PHACTR1: variants seen among roughly 807,000 people sequenced by gnomAD.
PHACTR1 encodes RPEL repeat containing 1.
Under a neutral mutation model 69.2 loss-of-function variants are expected in PHACTR1, and 16 were observed. The observed-to-expected ratio is 0.23, with a 90% CI of 0.16 to 0.35. The LOEUF (loss-of-function observed/expected upper bound fraction) is 0.35, where lower values mean the gene tolerates loss of function less well. PHACTR1 is among the 10% of genes least tolerant of loss of function. PHACTR1 has a pLI of 1.00. For missense variants in PHACTR1, 510 were observed against 734.7 expected (o/e 0.69, Z 3.54); for synonymous variants, 312 against 284.5 (o/e 1.10, Z -0.97).
chr6:12,836,685 C>T (rs759130199), intron 4 of PHACTR1, among the ~76,000 whole-genome samples: 1 of 152,204 alleles, frequency 6.6e-6, no homozygotes, highest in African/African-American at 2.4e-5. Context: ...TGCTCTCTGA[C>T]CTGCTTCCTC....
intron 5 of PHACTR1, among the ~76,000 whole-genome samples, chr6:13,099,807 T>G (rs2127855271): frequency 6.6e-6 from 1 of 152,378 alleles, no homozygotes; most frequent in African/African-American, 2.4e-5. Context: ...ATAGTTTGTT[T>G]GCTTGTTTTT....
At chr6:12,746,980 A>G (rs191450778) in intron 3 of PHACTR1, among the ~76,000 whole-genome samples, 4 of 152,350 alleles carry the variant, frequency 2.6e-5, no homozygotes, top group Admixed American at 2.0e-4. Context: ...TGAACCCGAA[A>G]GTTGTAATCA....
At chr6:12,830,862 C>T (rs537689706) in intron 4 of PHACTR1, among the ~76,000 whole-genome samples, 2 of 152,108 alleles carry the variant, frequency 1.3e-5, no homozygotes, top group African/African-American at 4.8e-5. Context: ...TCCCAAAGTG[C>T]TGGGATTACA....
rs115846886 is a variant in PHACTR1, at chr6:12,758,710, T to C, written c.250+8920T>C. 4.1e-3 allele frequency among the ~76,000 whole-genome samples: 630 copies of C among 152,208 alleles called. 4 individuals are homozygous for C. The highest frequency in any genetic ancestry group is 0.015 in the African/African-American group (609 of 41,516). ...AAACCTGTATACTTAATAGACATGA[T>C]TTACCACAAGACAGCAAGCTTACAT... On this transcript the variant is annotated intron_variant, in intron 4 of 14. Transcript: ENST00000332995.
intron 4 of PHACTR1, among the ~76,000 whole-genome samples, chr6:12,863,668 A>G (rs1449296491): frequency 4.6e-5 from 7 of 152,394 alleles, no homozygotes; most frequent in Admixed American, 2.0e-4. Flanking sequence ...TGTGTTGTTT[A>G]AAAGTTAAGA....
In PHACTR1 at chr6:12,945,132, G is replaced by A. The variant is rs184755421; in HGVS notation, c.251-108233G>A. ...CTCTGGTTTTAGCAGCTTCATACGA[G>A]CAGTTGCCCCTGACTACATTCTTCC... On this transcript the variant is annotated intron_variant, in intron 4 of 14. Transcript: ENST00000332995. Among the ~76,000 whole-genome samples, 557 of 152,196 alleles carry A rather than the reference G, an allele frequency of 3.7e-3. 3 individuals are homozygous for A. Among genetic ancestry groups the A allele is most frequent in the African/African-American group, 0.013 (522 of 41,522 alleles).
At chr6:13,064,927 C>A (rs1377299763) in intron 5 of PHACTR1, among the ~76,000 whole-genome samples, 4 of 151,930 alleles carry the variant, frequency 2.6e-5, no homozygotes, top group Non-Finnish European at 4.4e-5. Flanking sequence ...TGGATGAACG[C>A]CTCAACTCAT....
At chr6:12,840,801 G>T (rs16873436) in intron 4 of PHACTR1, among the ~76,000 whole-genome samples, 1 of 152,042 alleles carries the variant, frequency 6.6e-6, no homozygotes, top group Non-Finnish European at 1.5e-5. Flanking sequence ...TGCTCTTTTT[G>T]TTCAAATTTC....
chr6:13,096,000 A>G (rs1420659344), intron 5 of PHACTR1, among the ~76,000 whole-genome samples: 2 of 152,104 alleles, frequency 1.3e-5, no homozygotes, highest in African/African-American at 4.8e-5. Context: ...TCCAGTAGTT[A>G]GAGTCTGAAA....
At chr6:12,952,477 G>A (rs930715175) in intron 4 of PHACTR1, among the ~76,000 whole-genome samples, 2 of 152,186 alleles carry the variant, frequency 1.3e-5, no homozygotes, top group African/African-American at 4.8e-5. Flanking sequence ...CTCAAACAGT[G>A]TGTGGCCTTT....
intron 4 of PHACTR1, among the ~76,000 whole-genome samples, chr6:12,888,202 T>A (rs944871369): frequency 5.9e-5 from 9 of 152,078 alleles, no homozygotes; most frequent in African/African-American, 2.2e-4. Flanking sequence ...GAGGCCATTT[T>A]TGCTCTTTTG....
chr6:13,183,212 A>G (rs113833725), intron 7 of PHACTR1, among the ~76,000 whole-genome samples: 1 of 152,138 alleles, frequency 6.6e-6, no homozygotes, highest in Non-Finnish European at 1.5e-5. Context: ...TCTGACTGTC[A>G]TCTCCTTCTT....
At chr6:13,131,462 G>A (rs144247417) in intron 5 of PHACTR1, among the ~76,000 whole-genome samples, 118 of 151,834 alleles carry the variant, frequency 7.8e-4, no homozygotes, top group African/African-American at 2.6e-3. Context: ...GTTGGAGGGG[G>A]ATGAGGGGTA....
rs146174331 is a variant in PHACTR1 at position 12,853,677 on chromosome 6, G to A, written c.250+103887G>A. Among the ~76,000 whole-genome samples the A allele has an allele frequency of 3.6e-3, 548 of 152,328 alleles. 2 individuals carry two copies. Among genetic ancestry groups the A allele is most frequent in the African/African-American group, 0.013 (531 of 41,570 alleles). ...GCTCCTCTTCACAGGTTGGCAGGAG[G>A]AAGAATGAGTACCCGGTGAAGGGGG... is the stretch of plus-strand genomic sequence containing the variant. On this transcript the variant is annotated intron_variant, in intron 4 of 14. Coordinates refer to ENST00000332995, the MANE Select transcript of PHACTR1 (RefSeq NM_030948.6).
At chr6:13,055,165 C>T (rs1039613952) in intron 5 of PHACTR1, among the ~76,000 whole-genome samples, 2 of 152,152 alleles carry the variant, frequency 1.3e-5, no homozygotes, top group Non-Finnish European at 2.9e-5. Flanking sequence ...CCCCACCATC[C>T]TGATGTTATA....
chr6:13,181,425 T>A (rs1762165932), intron 6 of PHACTR1, among the ~76,000 whole-genome samples: 1 of 152,248 alleles, frequency 6.6e-6, no homozygotes, highest in Non-Finnish European at 1.5e-5. Flanking sequence ...GTCTTTCATC[T>A]GGTGTTTATT....
At chr6:13,076,382 G>C (rs536530688) in intron 5 of PHACTR1, among the ~76,000 whole-genome samples, 1 of 152,120 alleles carries the variant, frequency 6.6e-6, no homozygotes, top group Admixed American at 6.5e-5. Context: ...TGGGAAATAC[G>C]AATGCCTTGG....
At chr6:13,199,320 G>T (rs1764858177) in intron 7 of PHACTR1, among the ~76,000 whole-genome samples, 1 of 147,696 alleles carries the variant, frequency 6.8e-6, no homozygotes, top group Non-Finnish European at 1.5e-5. Context: ...GGAGGTGGAG[G>T]TTGCAGTGAG....
intron 5 of PHACTR1, among the ~76,000 whole-genome samples, chr6:13,150,953 C>T: frequency 6.6e-6 from 1 of 152,090 alleles, no homozygotes; most frequent in East Asian, 1.9e-4. Context: ...TTCTAGGCTG[C>T]AGTTATTGTA....
Sources: allele counts gnomAD v4.1 joint callset (sites outside exome capture counted in the v4.1 genomes callset), GRCh38; gene constraint gnomAD v4.1.1; transcripts MANE v1.5; gene names NCBI Gene and HGNC (gene_info 2026-07-23, HGNC 2026-07-21).